Variants in CFAP54 observed in about 807,000 individuals in gnomAD.
CFAP54 encodes the protein cilia- and flagella-associated protein 54.
CFAP54 carries 290 observed loss-of-function variants against 370.4 expected under a neutral mutation model. That is an observed-to-expected ratio of 0.78 (90% CI 0.71 to 0.86). The LOEUF (loss-of-function observed/expected upper bound fraction) is 0.86. Among genes scored for constraint, CFAP54 ranks in the 40% least tolerant of loss-of-function variants. CFAP54 has a pLI of 0.00. For synonymous variants in CFAP54, 1,206 were observed against 1,236.5 expected (o/e 0.98, Z 0.52); for missense variants, 3,399 against 3,528.7 (o/e 0.96, Z 0.93).
intron 60 of CFAP54, among the ~76,000 whole-genome samples, chr12:96,766,253 T>C (rs1958400882): frequency 6.6e-6 from 1 of 151,124 alleles, no homozygotes; most frequent in Non-Finnish European, 1.5e-5. Context: ...ATTTTATAGA[T>C]TTTTTTTTAC....
intron 40 of CFAP54, among the ~76,000 whole-genome samples, chr12:96,683,884 C>T (rs1168646211): frequency 1.3e-5 from 2 of 152,068 alleles, no homozygotes; most frequent in African/African-American, 2.4e-5. Flanking sequence ...CTCCACCTCC[C>T]GGGTTCAAGC....
intron 17 of CFAP54, among the ~76,000 whole-genome samples, chr12:96,557,714 AAATG>A (rs1955768581): frequency 1.3e-5 from 2 of 152,078 alleles, no homozygotes; most frequent in African/African-American, 4.8e-5. Context: ...GAAAAAAATA[AAATG>A]AAAGACTACA....
intron 39 of CFAP54, among the ~76,000 whole-genome samples, chr12:96,667,465 G>C (rs1957094998): frequency 6.6e-6 from 1 of 152,180 alleles, no homozygotes; most frequent in South Asian, 2.1e-4. Context: ...CTTGACTTCT[G>C]TGCACCTGCA....
At chr12:96,550,128 T>C (rs547929430) in intron 15 of CFAP54, among the ~76,000 whole-genome samples, 1 of 152,308 alleles carries the variant, frequency 6.6e-6, no homozygotes, top group South Asian at 2.1e-4. Flanking sequence ...AGATTATTAG[T>C]AAAGCATTTA....
intron 3 of CFAP54, among the ~76,000 whole-genome samples, chr12:96,505,310 C>A (rs1018873325): frequency 6.6e-6 from 1 of 151,778 alleles, no homozygotes; most frequent in Admixed American, 6.6e-5. Flanking sequence ...GATCCACTCT[C>A]CTTGGCCTCC....
At chr12:96,786,504 C>T (rs1274868596) in intron 61 of CFAP54, among the ~76,000 whole-genome samples, 171 bp from the exon 62 acceptor site, 1 of 152,034 alleles carries the variant, frequency 6.6e-6, no homozygotes. Flanking sequence ...CCTTCTGTGG[C>T]AAGAAACAAT....
intron 39 of CFAP54, among the ~76,000 whole-genome samples, chr12:96,675,702 T>G (rs1359929004): frequency 6.6e-6 from 1 of 152,016 alleles, no homozygotes; most frequent in African/African-American, 2.4e-5. Flanking sequence ...TATCCAACAA[T>G]GATAGACTGG....
chr12:96,596,471 A>G (rs7305508), intron 25 of CFAP54, among the ~76,000 whole-genome samples: 13,392 of 152,218 alleles, frequency 0.088, 780 homozygotes, highest in Middle Eastern at 0.14. Context: ...CATTCAGTGG[A>G]AAGAGAATGG....
chr12:96,665,532 A>C (rs967777706), intron 39 of CFAP54, among the ~76,000 whole-genome samples: 6 of 152,112 alleles, frequency 3.9e-5, no homozygotes, highest in Non-Finnish European at 7.4e-5. Flanking sequence ...TCAATCTTCT[A>C]TATATGTCCA....
At chr12:96,776,329 G>A (rs1373841368) in intron 60 of CFAP54, among the ~76,000 whole-genome samples, 1 of 151,604 alleles carries the variant, frequency 6.6e-6, no homozygotes, top group African/African-American at 2.4e-5. Context: ...AAAAAAATTA[G>A]ACAAATCTAT....
chr12:96,503,768 G>C, intron 2 of CFAP54, 118 bp from the exon 3 acceptor site: 1 of 890,414 alleles, frequency 1.1e-6, no homozygotes, highest in South Asian at 2.2e-5. Context: ...GGAGCCAGTA[G>C]TAATGGTATA....
intron 39 of CFAP54, among the ~76,000 whole-genome samples, chr12:96,674,336 C>CTTTTT (rs5800259): frequency 1.6e-5 from 2 of 125,014 alleles, no homozygotes; most frequent in Non-Finnish European, 3.2e-5. Flanking sequence ...CAATGTTTTT[C>CTTTTT]TTTTTTTTTT....
In CFAP54 at chr12:96,756,553, C is replaced by G. The variant is rs749029161; in HGVS notation, c.7936C>G (p.Gln2646Glu). The G allele has an allele frequency of 3.8e-6, 6 of 1,590,734 alleles. No homozygotes were observed. The highest frequency in any genetic ancestry group is 1.4e-5 in the African/African-American group (1 of 74,058). ...TATACAACTAAGCCTGAAAAATGAT[C>G]AAAACTCAGGGTAAAAAGATATTCC... ...EAIQLSLKND[Q>E]NSGLIRDSYL... Residue 2646 changes from glutamine to glutamate, a missense_variant, in exon 57 of 68, where the codon CAA becomes GAA. Physicochemically the swap from Gln to Glu is conservative, Grantham distance 29. Coordinates refer to ENST00000524981, the MANE Select transcript of CFAP54 (RefSeq NM_001306084.2).
intron 45 of CFAP54, among the ~76,000 whole-genome samples, chr12:96,694,545 T>C (rs1204477684): frequency 6.6e-6 from 1 of 152,102 alleles, no homozygotes; most frequent in African/African-American, 2.4e-5. Flanking sequence ...CTTTTTTCTA[T>C]AGTGGACTTT....
intron 38 of CFAP54, among the ~76,000 whole-genome samples, chr12:96,662,248 A>C (rs1220919916): frequency 2.0e-5 from 3 of 152,168 alleles, no homozygotes; most frequent in African/African-American, 7.2e-5. Context: ...TCTGTCACCC[A>C]GGCTGGAGTG....
intron 66 of CFAP54, among the ~76,000 whole-genome samples, chr12:96,841,221 G>C (rs1406152029): frequency 6.6e-6 from 1 of 152,208 alleles, no homozygotes; most frequent in Non-Finnish European, 1.5e-5. Context: ...GATAAACCAA[G>C]TCTGGCCTCA....
chr12:96,669,190 G>A lies in CFAP54; in HGVS notation c.5563+5258G>A, dbSNP rs73241146. On this transcript the variant is annotated intron_variant, in intron 39 of 67. Coordinates refer to ENST00000524981, the MANE Select transcript of CFAP54 (RefSeq NM_001306084.2). ...AACAGCAAAGGAAAAGGCAAAAGCT[G>A]AGGTTAGAAAGGTTGGCAGAAATTA... is the stretch of plus-strand genomic sequence containing the variant. Among the ~76,000 whole-genome samples the A allele has an allele frequency of 1.6e-3, 243 of 152,310 alleles. 1 individual carries two copies. The highest frequency in any genetic ancestry group is 2.9e-3 in the Non-Finnish European group (195 of 68,020).
At chr12:96,702,807 G>C (rs1263441624) in intron 46 of CFAP54, among the ~76,000 whole-genome samples, 2 of 152,160 alleles carry the variant, frequency 1.3e-5, no homozygotes. Flanking sequence ...TTAAGCTGCA[G>C]GCTAGTTATT....
At chr12:96,527,480 A>G in intron 9 of CFAP54, 36 bp downstream of exon 9, 1 of 1,393,674 alleles carries the variant, frequency 7.2e-7, no homozygotes, top group Non-Finnish European at 9.5e-7. Flanking sequence ...TTATGATAGA[A>G]TGATACACAT....
Sources: allele counts gnomAD v4.1 joint callset (sites outside exome capture counted in the v4.1 genomes callset), GRCh38; gene constraint gnomAD v4.1.1; transcripts MANE v1.5; gene names NCBI Gene and HGNC (gene_info 2026-07-23, HGNC 2026-07-21).